The following TIAM2 variants were observed in gnomAD, a reference collection of about 807,000 sequenced individuals.
The protein encoded by TIAM2 is TIAM Rac1 associated GEF 2, also known as rho guanine nucleotide exchange factor TIAM2.
A neutral mutation model predicts 152.9 loss-of-function variants in TIAM2; 80 were observed. That is an observed-to-expected ratio of 0.52 (90% CI 0.44 to 0.63). The LOEUF (loss-of-function observed/expected upper bound fraction) is 0.63. Ranked by LOEUF, TIAM2 falls within the 30% of genes least tolerant of loss-of-function variation. TIAM2 has a pLI of 0.00. For missense variants in TIAM2, 1,965 were observed against 2,120.1 expected (o/e 0.93, Z 1.44); for synonymous variants, 804 against 838.0 (o/e 0.96, Z 0.70).
At chr6:154,996,887 G>A (rs1778221976) in intron 1 of TIAM2, among the ~76,000 whole-genome samples, 2 of 152,176 alleles carry the variant, frequency 1.3e-5, no homozygotes, top group Admixed American at 1.3e-4. Context: ...AGAGGTTTTT[G>A]TGTTGGGTAA....
chr6:155,232,406 A>T (rs1473632048), intron 15 of TIAM2: 2 of 152,252 alleles, frequency 1.3e-5, no homozygotes, highest in Non-Finnish European at 2.9e-5. Context: ...ATGAACTGGG[A>T]ATATTGTAAG....
At chr6:155,004,115 A>G (rs577351754) in intron 1 of TIAM2, among the ~76,000 whole-genome samples, 5 of 152,280 alleles carry the variant, frequency 3.3e-5, no homozygotes, top group African/African-American at 1.2e-4. Flanking sequence ...ACCTCAGGTG[A>G]TCTGCCTGCC....
chr6:155,224,847 G>C (rs1336928077), intron 15 of TIAM2, among the ~76,000 whole-genome samples: 1 of 152,202 alleles, frequency 6.6e-6, no homozygotes, highest in East Asian at 1.9e-4. Context: ...GCACAGCGGG[G>C]ATTTCATCAC....
In TIAM2 at chr6:155,213,356, C is replaced by T. The variant is rs563617613; in HGVS notation, c.3168+2049C>T. On this transcript the variant is annotated intron_variant, in intron 15 of 26. Coordinates refer to ENST00000682666, the MANE Select transcript of TIAM2 (RefSeq NM_012454.4). The surrounding 1 kb of genome is among the most constrained non-coding windows in gnomAD (Gnocchi z 4.2). Reference sequence around the variant, plus strand: ...TGTTCACCTCTCAGCAGAGAGCAGACCCTGGAGTGGGTAGCTCCTCTCCAC... The same window carrying T: ...TGTTCACCTCTCAGCAGAGAGCAGATCCTGGAGTGGGTAGCTCCTCTCCAC... 3.3e-5 allele frequency among the ~76,000 whole-genome samples: 5 copies of T among 152,156 alleles called. No individual in the cohort carries two copies. The highest frequency in any genetic ancestry group is 7.4e-5 in the Non-Finnish European group (5 of 68,020).
At chr6:155,219,096 G>A (rs2352423) in intron 15 of TIAM2, among the ~76,000 whole-genome samples, 81,779 of 137,778 alleles carry the variant, frequency 0.59, 26,038 homozygotes, top group Admixed American at 0.75. Flanking sequence ...CTATATTCTC[G>A]AAGTTAGTGT....
Position 155,090,297 on chromosome 6 carries a change from G to A in TIAM2, c.-200G>A, listed in dbSNP as rs1778272113. On this transcript the variant is annotated 5_prime_UTR_variant, in exon 2 of 27. Coordinates refer to ENST00000682666, the MANE Select transcript of TIAM2 (RefSeq NM_012454.4). ...TTGTTTTATTTTGCCAGGGCTCTGT[G>A]TATGAATGACAAGGATACCTTCAGC... 1 of 152,154 alleles carries A rather than the reference G, an allele frequency of 6.6e-6. No homozygotes were observed. Among genetic ancestry groups the A allele is most frequent in the African/African-American group, 2.4e-5 (1 of 41,420 alleles). The allele number at this position is 152,154 out of a possible 1,614,324, so 9.4% of individuals were successfully genotyped here. A position where few individuals can be genotyped will look rare whatever the true frequency, so the allele number is the denominator to read the frequency against.
intron 14 of TIAM2, among the ~76,000 whole-genome samples, chr6:155,194,678 G>A (rs942206251): frequency 6.6e-6 from 1 of 152,184 alleles, no homozygotes; most frequent in African/African-American, 2.4e-5. Context: ...GAACAAATGA[G>A]TAGAGGATAT....
intron 9 of TIAM2, among the ~76,000 whole-genome samples, chr6:155,166,401 G>A (rs76482304): frequency 0.1 from 15,372 of 150,980 alleles, 868 homozygotes; most frequent in Middle Eastern, 0.16. Context: ...TTGGCTCGCC[G>A]CAACCTCTGC....
intron 15 of TIAM2, among the ~76,000 whole-genome samples, chr6:155,231,051 A>G (rs1025182171): frequency 7.3e-5 from 11 of 151,300 alleles, no homozygotes; most frequent in African/African-American, 2.7e-4. Context: ...CATGTTGGCC[A>G]GGCTGGTCTC....
chr6:155,131,193 G>T (rs553176468), intron 4 of TIAM2, among the ~76,000 whole-genome samples: 9 of 152,150 alleles, frequency 5.9e-5, no homozygotes, highest in Non-Finnish European at 1.0e-4. Flanking sequence ...AACCCTGTCT[G>T]TACCCAAAAT....
intron 1 of TIAM2, among the ~76,000 whole-genome samples, chr6:155,044,454 G>T (rs1472906847): frequency 6.6e-6 from 1 of 152,208 alleles, no homozygotes; most frequent in East Asian, 1.9e-4. Flanking sequence ...TCTTTGGTCA[G>T]CTGGGGAAAC....
chr6:155,147,468 G>C (rs1045883594), intron 6 of TIAM2, among the ~76,000 whole-genome samples: 1 of 151,832 alleles, frequency 6.6e-6, no homozygotes, highest in Admixed American at 6.6e-5. Flanking sequence ...CACCACACCC[G>C]GCTAATTTTT....
At chr6:155,067,387 G>T (rs1171352334) in intron 1 of TIAM2, among the ~76,000 whole-genome samples, 7 of 152,242 alleles carry the variant, frequency 4.6e-5, no homozygotes, top group Non-Finnish European at 8.8e-5. Context: ...GAACTCACAT[G>T]TCTGCTGAGG....
chr6:155,235,835 T>C (rs1782723449), intron 15 of TIAM2, among the ~76,000 whole-genome samples: 1 of 152,238 alleles, frequency 6.6e-6, no homozygotes, highest in South Asian at 2.1e-4. Flanking sequence ...TTTTCTAAAA[T>C]GGCAAGATAC....
intron 1 of TIAM2, among the ~76,000 whole-genome samples, chr6:155,056,887 A>G (rs1461847127): frequency 6.6e-6 from 1 of 151,904 alleles, no homozygotes; most frequent in Non-Finnish European, 1.5e-5. Context: ...CATATTACAT[A>G]TAGTCATCAT....
Position 155,240,532 on chromosome 6 carries a change from T to C in TIAM2, c.3171T>C (p.Ser1057=), listed in dbSNP as rs140526115. 300 of 1,609,454 alleles carry C rather than the reference T, an allele frequency of 1.9e-4. No homozygotes were observed. In the Middle Eastern group the frequency reaches 2.1e-3, roughly 12 times the overall value. The change falls in exon 16 of 27, where the codon AGT becomes AGC. Residue 1057 remains serine (S), a splice_region_variant and synonymous_variant. Coordinates refer to ENST00000682666, the MANE Select transcript of TIAM2 (RefSeq NM_012454.4). ...HREKMEQTFR[S]AEQITALCRS... ...TTCCACCTCTTGTCCTCTCTCAGAG[T>C]GCTGAGCAGATCACTGCACTGTGCA... is the stretch of plus-strand genomic sequence containing the variant.
At chr6:155,077,925 A>T (rs568662015) in intron 1 of TIAM2, among the ~76,000 whole-genome samples, 39 of 152,300 alleles carry the variant, frequency 2.6e-4, no homozygotes, top group African/African-American at 8.9e-4. Context: ...TTGAAAACAC[A>T]CTTTTGGATT....
At position 155,156,103 on chromosome 6, in the gene TIAM2, AG is replaced by A. The variant is rs766168505; in HGVS notation, c.2028+7770del. 1.3e-5 allele frequency among the ~76,000 whole-genome samples: 2 copies of A among 152,348 alleles called. No individual in the cohort carries two copies. Among genetic ancestry groups the A allele is most frequent in the Admixed American group, 1.3e-4 (2 of 15,306 alleles). ...AAATGGGAAATATAGCCTCATGTGC[AG>A]TCATGGAAGACCCTGGAGGAGGGAG... On this transcript the variant is annotated intron_variant, in intron 7 of 26. Coordinates refer to ENST00000682666, the MANE Select transcript of TIAM2 (RefSeq NM_012454.4). The surrounding 1 kb of genome is among the most constrained non-coding windows in gnomAD (Gnocchi z 4.4).
At chr6:155,041,267 T>C (rs555447270) in intron 1 of TIAM2, among the ~76,000 whole-genome samples, 5 of 152,246 alleles carry the variant, frequency 3.3e-5, no homozygotes, top group African/African-American at 4.8e-5. Flanking sequence ...TTTTTGTTTT[T>C]TCCCCCCAGG....
Sources: allele counts gnomAD v4.1 joint callset (sites outside exome capture counted in the v4.1 genomes callset), GRCh38; gene constraint gnomAD v4.1.1; non-coding constraint Gnocchi (gnomAD v3.1); transcripts MANE v1.5; gene names NCBI Gene and HGNC (gene_info 2026-07-23, HGNC 2026-07-21).